DCUN1D4: variants seen among roughly 807,000 people sequenced by gnomAD.
The protein encoded by DCUN1D4 is DCN1-like protein 4.
DCUN1D4 carries 22 observed loss-of-function variants against 47.9 expected under a neutral mutation model. The observed-to-expected ratio is 0.46, with a 90% CI of 0.33 to 0.66. DCUN1D4 has a LOEUF of 0.66. DCUN1D4 is among the 30% of genes least tolerant of loss of function. The pLI, the probability that DCUN1D4 is intolerant of heterozygous loss-of-function variation, is 0.02. For missense variants in DCUN1D4, 301 were observed against 340.8 expected (o/e 0.88, Z 0.92); for synonymous variants, 121 against 112.2 (o/e 1.08, Z -0.50).
At chr4:51,881,192 A>G (rs2110013808) in intron 5 of DCUN1D4, among the ~76,000 whole-genome samples, 1 of 152,332 alleles carries the variant, frequency 6.6e-6, no homozygotes, top group South Asian at 2.1e-4. Context: ...TTTTTGAAAT[A>G]TATCTAAGAA....
intron 7 of DCUN1D4, among the ~76,000 whole-genome samples, chr4:51,896,049 G>A (rs1361913463): frequency 6.6e-6 from 1 of 152,094 alleles, no homozygotes; most frequent in Admixed American, 6.6e-5. Flanking sequence ...ACTATTGGGG[G>A]CCAGTCCAGG....
chr4:51,878,380 TG>T (rs1390129154), intron 5 of DCUN1D4, among the ~76,000 whole-genome samples: 1 of 152,230 alleles, frequency 6.6e-6, no homozygotes, highest in African/African-American at 2.4e-5. Flanking sequence ...TGGCTTTGTA[TG>T]GTGTAAAAAA....
chr4:51,851,279 A>G (rs1177989470), intron 1 of DCUN1D4, among the ~76,000 whole-genome samples: 1 of 152,208 alleles, frequency 6.6e-6, no homozygotes, highest in Non-Finnish European at 1.5e-5. Context: ...GAATGGATGC[A>G]TGGGACGATG....
intron 7 of DCUN1D4, among the ~76,000 whole-genome samples, chr4:51,895,271 G>A (rs1023077302): frequency 1.3e-5 from 2 of 151,978 alleles, no homozygotes; most frequent in Non-Finnish European, 2.9e-5. Context: ...TGTGAAACCA[G>A]AGTTTTTAAT....
chr4:51,850,678 T>G (rs926615855), intron 1 of DCUN1D4, among the ~76,000 whole-genome samples: 4 of 152,022 alleles, frequency 2.6e-5, no homozygotes, highest in Non-Finnish European at 5.9e-5. Context: ...ACAAGTAAAT[T>G]GTGTAATACG....
intron 4 of DCUN1D4, chr4:51,875,433 G>T (rs1358445591): frequency 1.3e-5 from 2 of 152,186 alleles, no homozygotes; most frequent in African/African-American, 4.8e-5. Context: ...AATATAGTAT[G>T]ATAAAGCCAG....
the DCUN1D4 span, among the ~76,000 whole-genome samples, chr4:51,834,278 C>G: frequency 6.6e-6 from 1 of 151,108 alleles, no homozygotes; most frequent in African/African-American, 2.4e-5. Context: ...AAAATAGGTC[C>G]TAAATACAAA....
At chr4:51,853,836 C>A (rs944809017) in intron 1 of DCUN1D4, among the ~76,000 whole-genome samples, 2 of 152,204 alleles carry the variant, frequency 1.3e-5, no homozygotes, top group African/African-American at 4.8e-5. Flanking sequence ...GCAGCTCCCC[C>A]ATGGGCACTG....
intron 7 of DCUN1D4, among the ~76,000 whole-genome samples, chr4:51,896,645 A>G (rs1172398990): frequency 6.6e-6 from 1 of 152,038 alleles, no homozygotes; most frequent in African/African-American, 2.4e-5. Context: ...GTGCGAATTC[A>G]GCCCTGCCTC....
In DCUN1D4 at chr4:51,914,791, CAG is replaced by C. The variant is rs1734162633; in HGVS notation, c.*1209_*1210del. 1 of 144,684 alleles carries C rather than the reference CAG, an allele frequency of 6.9e-6. No homozygotes were observed. Among genetic ancestry groups the C allele is most frequent in the African/African-American group, 2.5e-5 (1 of 39,794 alleles). The allele number at this position is 144,684 out of a possible 1,614,324, so 9.0% of individuals were successfully genotyped here. A position where few individuals can be genotyped will look rare whatever the true frequency, so the allele number is the denominator to read the frequency against. ...TTGTGGATGAGGAAACAAGAATAAA[CAG>C]AATGGTATTTTTAGGTTTGTATTTT... On this transcript the variant is annotated 3_prime_UTR_variant, in exon 11 of 11. Transcript: ENST00000334635.
At chr4:51,905,149 T>C (rs1050049399) in intron 8 of DCUN1D4, 34 of 451,396 alleles carry the variant, frequency 7.5e-5, no homozygotes, top group African/African-American at 6.6e-4. Context: ...AGTTGTGTTA[T>C]TTTTCTCCTA....
In DCUN1D4 at chr4:51,916,719, C is replaced by T. The variant is rs1734358421; in HGVS notation, c.*3135C>T. On this transcript the variant is annotated 3_prime_UTR_variant, in exon 11 of 11. Transcript: ENST00000334635. Reference sequence around the variant, plus strand: ...AGTGTGCAAGTCCTGTGACTCCCAGCTTAACTGAAATACTGTTATGCCACC... The same window carrying T: ...AGTGTGCAAGTCCTGTGACTCCCAGTTTAACTGAAATACTGTTATGCCACC... 1 of 152,550 alleles carries T rather than the reference C, an allele frequency of 6.6e-6. No homozygotes were observed. Among genetic ancestry groups the T allele is most frequent in the Non-Finnish European group, 1.5e-5 (1 of 68,002 alleles). 9.4% of individuals were successfully genotyped at this position (152,550 alleles called of 1,614,324 possible).
intron 1 of DCUN1D4, among the ~76,000 whole-genome samples, chr4:51,849,160 C>G (rs549545910): frequency 1.2e-4 from 18 of 152,184 alleles, no homozygotes; most frequent in Non-Finnish European, 2.4e-4. Context: ...AGAATTCTTA[C>G]CCTGGCAGGC....
intron 4 of DCUN1D4, 60 bp downstream of exon 4, chr4:51,874,445 T>C: frequency 7.8e-7 from 1 of 1,288,130 alleles, no homozygotes; most frequent in Non-Finnish European, 1.1e-6. Flanking sequence ...TGCACATTTC[T>C]ACCTAATTCA....
At chr4:51,844,119 T>C (rs1193703961) in intron 1 of DCUN1D4, among the ~76,000 whole-genome samples, 2 of 65,310 alleles carry the variant, frequency 3.1e-5, no homozygotes, top group African/African-American at 1.3e-4. Flanking sequence ...GTGGAGAATA[T>C]GAAATGGGGG....
At chr4:51,898,929 TA>T (rs1333667250) in intron 7 of DCUN1D4, among the ~76,000 whole-genome samples, 1 of 152,214 alleles carries the variant, frequency 6.6e-6, no homozygotes, top group East Asian at 1.9e-4. Flanking sequence ...GATACAGTAG[TA>T]AGATTGTTGA....
chr4:51,868,769 G>A (rs1041016261), intron 3 of DCUN1D4, among the ~76,000 whole-genome samples: 3 of 152,164 alleles, frequency 2.0e-5, no homozygotes, highest in Non-Finnish European at 4.4e-5. Flanking sequence ...AGGAAAAAGA[G>A]AGAATGAATT....
chr4:51,849,725 T>C (rs1435252374), intron 1 of DCUN1D4, among the ~76,000 whole-genome samples: 1 of 152,034 alleles, frequency 6.6e-6, no homozygotes, highest in Non-Finnish European at 1.5e-5. Flanking sequence ...TTACTGCTGC[T>C]TTTTCCTAAT....
At chr4:51,843,018 G>A, upstream of DCUN1D4, 1 of 1,342,864 alleles carries the variant, frequency 7.4e-7, no homozygotes, top group Non-Finnish European at 9.6e-7. Flanking sequence ...GCGGGGCCTC[G>A]TTGCCAGCTC....
Sources: gnomAD v4.1 joint callset for allele counts (sites outside exome capture counted in the v4.1 genomes callset) on GRCh38, gnomAD v4.1.1 for gene constraint, MANE v1.5 for transcripts, NCBI Gene and HGNC (gene_info 2026-07-23, HGNC 2026-07-21) for gene names.